BSN: variants seen among roughly 807,000 people sequenced by gnomAD.
The protein encoded by BSN is bassoon presynaptic cytomatrix protein, also known as protein bassoon.
In BSN, 57 loss-of-function variants were observed where a neutral mutation model predicts 264.8. The ratio of observed to expected loss-of-function variants is 0.22; its 90% CI spans 0.17 to 0.27. The LOEUF is 0.27. BSN is among the 10% of genes least tolerant of loss of function. BSN has a pLI of 1.00. For missense variants in BSN, 4,615 were observed against 5,232.5 expected (o/e 0.88, Z 3.64); for synonymous variants, 2,059 against 2,137.3 (o/e 0.96, Z 1.01).
chr3:49,662,768 GC>G, intron 6 of BSN, 107 bp from the exon 7 acceptor site: 1 of 1,441,840 alleles, frequency 6.9e-7, no homozygotes, highest in Non-Finnish European at 9.2e-7. Flanking sequence ...CTGCTGATCT[GC>G]TTGTGGCTGT....
At chr3:49,562,454 C>G (rs1177732699) in intron 1 of BSN, among the ~76,000 whole-genome samples, 1 of 152,182 alleles carries the variant, frequency 6.6e-6, no homozygotes, top group Non-Finnish European at 1.5e-5. Flanking sequence ...TTAGAGTTTG[C>G]TCCTGCCTTC....
At position 49,652,133 on chromosome 3, in the gene BSN, G is replaced by A. The variant is rs1480074505; in HGVS notation, c.2577G>A (p.Glu859=). 2.5e-6 allele frequency: 4 copies of A among 1,613,990 alleles called. No individual in the cohort carries two copies. Among genetic ancestry groups the A allele is most frequent in the Non-Finnish European group, 2.5e-6 (3 of 1,179,892 alleles). Reference sequence around the variant, plus strand: ...GCGCCGAGGAAGACAACCTGGAGGAGGATGACACTGCCACCTCCGGGCGTG... The same window carrying A: ...GCGCCGAGGAAGACAACCTGGAGGAAGATGACACTGCCACCTCCGGGCGTG... The part of the protein sequence containing the change: ...EMSAEEDNLE[E]DDTATSGRGL... The change falls in exon 5 of 12, where the codon GAG becomes GAA. Residue 859 remains glutamate (E), a synonymous_variant. Transcript: ENST00000296452.
intron 1 of BSN, among the ~76,000 whole-genome samples, chr3:49,570,946 A>G (rs1207797152): frequency 6.6e-6 from 1 of 152,198 alleles, no homozygotes; most frequent in African/African-American, 2.4e-5. Flanking sequence ...GGCCTGTGAA[A>G]TGGAGTGGAA....
chr3:49,660,782 G>A lies in BSN; in HGVS notation c.8937G>A (p.Leu2979=). The A allele has an allele frequency of 1.9e-6, 3 of 1,613,202 alleles. No individual in the cohort carries two copies. The highest frequency in any genetic ancestry group is 8.5e-7 in the Non-Finnish European group (1 of 1,180,014). Residue 2979 remains leucine, a synonymous_variant, in exon 6 of 12, where the codon CTG becomes CTA. Transcript: ENST00000296452. This position sits in a 1 kb window ranked among gnomAD's most constrained non-coding sequence, Gnocchi z 7.1. ...AGATTGACGCCAAGCTCAAGTACCT[G>A]GAGTTGGGTATCACACAACGCAAAG... ...EKEIDAKLKY[L]ELGITQRKES...
rs951577120 is a variant in BSN at position 49,625,934 on chromosome 3, G to A, written c.633+551G>A. 2.0e-5 allele frequency among the ~76,000 whole-genome samples: 3 copies of A among 152,202 alleles called. No homozygotes were observed. The highest frequency in any genetic ancestry group is 4.8e-5 in the African/African-American group (2 of 41,442). On this transcript the variant is annotated intron_variant, in intron 2 of 11. Transcript: ENST00000296452. The surrounding 1 kb of genome is among the most constrained non-coding windows in gnomAD (Gnocchi z 4.4). Reference sequence around the variant, plus strand: ...TAGTCAGCTGGGGACCTGAGGTGGTGGGGCAGCTACCCCATCCCTAAAGAA... The same window carrying A: ...TAGTCAGCTGGGGACCTGAGGTGGTAGGGCAGCTACCCCATCCCTAAAGAA...
Position 49,656,027 on chromosome 3 carries a change from C to T in BSN, c.6471C>T (p.Gly2157=). 1 of 1,601,244 alleles carries T rather than the reference C, an allele frequency of 6.2e-7. No homozygotes were observed. The highest frequency in any genetic ancestry group is 8.5e-7 in the Non-Finnish European group (1 of 1,173,424). The change falls in exon 5 of 12, where the codon GGC becomes GGT. Residue 2157 remains glycine (G), a synonymous_variant. Coordinates refer to ENST00000296452, the MANE Select transcript of BSN (RefSeq NM_003458.4). ...GLLGNPTFPE[G]HPSPGNLAQY... is the part of the protein sequence containing the mutation. ...TTGGTAACCCCACCTTTCCAGAGGG[C>T]CACCCAAGTCCTGGGAACTTGGCCC...
chr3:49,639,918 C>G (rs1559611464), intron 2 of BSN, among the ~76,000 whole-genome samples: 1 of 152,248 alleles, frequency 6.6e-6, no homozygotes, highest in South Asian at 2.1e-4. Flanking sequence ...GTGCAGTGTT[C>G]TCCCTCTTCT....
intron 1 of BSN, among the ~76,000 whole-genome samples, chr3:49,597,729 G>A (rs1308051747): frequency 1.3e-5 from 2 of 152,004 alleles, no homozygotes; most frequent in African/African-American, 4.8e-5. Flanking sequence ...TGCAAACTCC[G>A]CCTTCTGGGT....
intron 1 of BSN, among the ~76,000 whole-genome samples, chr3:49,589,409 T>C (rs998455207): frequency 1.3e-5 from 2 of 152,142 alleles, no homozygotes; most frequent in Admixed American, 1.3e-4. Flanking sequence ...GGGGCTCTGT[T>C]CTTAGGTCTA....
rs746202812 is a variant in BSN at position 49,651,352 on chromosome 3, G to A, written c.1987-191G>A. ...AGTAAAGTTTCTCTTTGAAGACCAA[G>A]GGCTGGTTTGGGCTTGCCATGGAAC... On this transcript the variant is annotated intron_variant, in intron 4 of 11. Coordinates refer to ENST00000296452, the MANE Select transcript of BSN (RefSeq NM_003458.4). This position sits in a 1 kb window ranked among gnomAD's most constrained non-coding sequence, Gnocchi z 5.4. 3.0e-5 allele frequency: 20 copies of A among 673,224 alleles called. No homozygotes were observed. The highest frequency in any genetic ancestry group is 4.3e-5 in the Non-Finnish European group (18 of 414,404). The allele number at this position is 673,224 out of a possible 1,614,324, so 41.7% of individuals were successfully genotyped here.
chr3:49,664,688 CGGGCA>C, intron 9 of BSN, 106 bp from the exon 10 acceptor site: 2 of 1,543,542 alleles, frequency 1.3e-6, no homozygotes, highest in Non-Finnish European at 1.8e-6. Flanking sequence ...AGTTGTTCTC[CGGGCA>C]ATCTCTGCCC....
chr3:49,613,303 C>CGAGAGAGAGAGAGAGAGCGAGAGA (rs2052223944), intron 1 of BSN, among the ~76,000 whole-genome samples: 1 of 47,332 alleles, frequency 2.1e-5, no homozygotes, highest in African/African-American at 7.0e-5. Flanking sequence ...ACACACAGAG[C>CGAGAGAGAGAGAGAGAGCGAGAGA]GAGAGAGAGA....
chr3:49,573,680 G>A lies in BSN; in HGVS notation c.224+18854G>A, dbSNP rs1478391808. 4.8e-5 allele frequency among the ~76,000 whole-genome samples: 7 copies of A among 147,342 alleles called. No individual in the cohort carries two copies. The East Asian group carries it at 5.9e-4, about 12-fold the overall frequency. On this transcript the variant is annotated intron_variant, in intron 1 of 11. Coordinates refer to ENST00000296452, the MANE Select transcript of BSN (RefSeq NM_003458.4). ...TGGTTTTTTTTTTTTTTTTTGAGACGGAGTTTTGCTCTTGTTGCCCAGGCT... is the reference window on the plus strand; with the variant it reads ...TGGTTTTTTTTTTTTTTTTTGAGACAGAGTTTTGCTCTTGTTGCCCAGGCT...
chr3:49,653,055 A>G lies in BSN; in HGVS notation c.3499A>G (p.Thr1167Ala). ...TFMSLYSPTE[T>A]PSGSSTTPSS... ...CATGTCCCTCTACTCACCAACCGAG[A>G]CACCCTCCGGCAGCTCCACCACTCC... Residue 1167 changes from threonine to alanine, a missense_variant, in exon 5 of 12, where the codon ACA becomes GCA. Around this residue, in one of 3 missense-constraint regions of BSN, gnomAD observed 3,415 missense variants for 3,866.4 expected, o/e 0.88. Transcript: ENST00000296452. The surrounding 1 kb of genome is among the most constrained non-coding windows in gnomAD (Gnocchi z 6.3). 2 of 1,613,472 alleles carry G rather than the reference A, an allele frequency of 1.2e-6. No individual in the cohort carries two copies. Among genetic ancestry groups the G allele is most frequent in the Non-Finnish European group, 1.7e-6 (2 of 1,180,010 alleles).
chr3:49,664,594 T>C lies in BSN; in HGVS notation c.11740+40T>C, dbSNP rs1336124208. On this transcript the variant is annotated intron_variant, in intron 9 of 11. Coordinates refer to ENST00000296452, the MANE Select transcript of BSN (RefSeq NM_003458.4). ...CAACTGGTCTGTGGTGGGTGGCTAC[T>C]CTGGTACAGGCTGGGTCTGTGAGAT... The C allele has an allele frequency of 7.7e-6, 12 of 1,563,434 alleles. 2 individuals are homozygous for C. In the Admixed American group the frequency reaches 2.1e-4, roughly 28 times the overall value.
At chr3:49,577,151 G>A (rs1210470821) in intron 1 of BSN, among the ~76,000 whole-genome samples, 1 of 152,102 alleles carries the variant, frequency 6.6e-6, no homozygotes, top group Non-Finnish European at 1.5e-5. Flanking sequence ...CTTAATGTTG[G>A]CTACTAATTA....
At chr3:49,628,057 G>A (rs143345987) in intron 2 of BSN, among the ~76,000 whole-genome samples, 1 of 152,328 alleles carries the variant, frequency 6.6e-6, no homozygotes, top group Non-Finnish European at 1.5e-5. Flanking sequence ...AGTGGACAGA[G>A]GGATATAGCA....
downstream of BSN, among the ~76,000 whole-genome samples, chr3:49,672,356 C>T (rs913968604): frequency 1.3e-5 from 2 of 152,168 alleles, no homozygotes; most frequent in Admixed American, 6.5e-5. Flanking sequence ...GCTTGATGAA[C>T]ATCCTATTTT....
Position 49,554,568 on chromosome 3 carries a change from G to A in BSN, c.-35G>A, listed in dbSNP as rs2051647080. 1.1e-6 allele frequency: 1 copy of A among 873,512 alleles called. No homozygotes were observed. Among genetic ancestry groups the A allele is most frequent in the East Asian group, 1.2e-4 (1 of 8,572 alleles). The allele number at this position is 873,512 out of a possible 1,614,324, so 54.1% of individuals were successfully genotyped here. A position where few individuals can be genotyped will look rare whatever the true frequency, so the allele number is the denominator to read the frequency against. On this transcript the variant is annotated 5_prime_UTR_variant, in exon 1 of 12. Coordinates refer to ENST00000296452, the MANE Select transcript of BSN (RefSeq NM_003458.4). The stretch of plus-strand genomic sequence containing the variant: ...CCCGGGAGCCGCCGGCCCGGGCGCA[G>A]CGCGACCCCGACCCCGCCCGCCCGC...
Sources: allele counts gnomAD v4.1 joint callset (sites outside exome capture counted in the v4.1 genomes callset), GRCh38; gene constraint gnomAD v4.1.1; regional missense constraint gnomAD v4.1.1; non-coding constraint Gnocchi (gnomAD v3.1); transcripts MANE v1.5; gene names NCBI Gene and HGNC (gene_info 2026-07-23, HGNC 2026-07-21).